Variants in ZNF92 observed in about 807,000 individuals in gnomAD.
The protein encoded by ZNF92 is zinc finger protein 92, also known as epididymis luminal protein 203.
In ZNF92, 11 loss-of-function variants were observed where a neutral mutation model predicts 12.4. The observed-to-expected ratio is 0.89, with a 90% CI of 0.56 to 1.47. The LOEUF (loss-of-function observed/expected upper bound fraction) is 1.47, where lower values mean the gene tolerates loss of function less well. ZNF92 is among the 40% of genes most tolerant of loss of function. ZNF92 has a pLI of 0.00. For missense variants in ZNF92, 622 were observed against 681.0 expected (o/e 0.91, Z 0.96); for synonymous variants, 206 against 228.6 (o/e 0.90, Z 0.89).
In ZNF92 at chr7:65,398,866, A is replaced by G; in HGVS notation, c.752A>G (p.His251Arg). 1.2e-6 allele frequency: 2 copies of G among 1,613,046 alleles called. No homozygotes were observed. Among genetic ancestry groups the G allele is most frequent in the South Asian group, 1.1e-5 (1 of 91,006 alleles). Residue 251 changes from histidine (H) to arginine (R), a missense_variant, in exon 4 of 4, where the codon CAT becomes CGT. His to Arg is a conservative substitution (Grantham distance 29, BLOSUM62 0). Coordinates refer to ENST00000328747, the MANE Select transcript of ZNF92 (RefSeq NM_152626.4). ...AATCTTACTAAACATAAAATAATTC[A>G]TACTGGAGAGAAACCCTACAAATGT... ...SSNLTKHKII[H>R]TGEKPYKCEE... is the part of the protein sequence containing the mutation.
rs113522695 is a variant in ZNF92, at chr7:65,400,003, T to C, written c.*128T>C. 126 of 836,388 alleles carry C rather than the reference T, an allele frequency of 1.5e-4. No homozygotes were observed. The African/African-American group carries it at 1.9e-3, about 12-fold the overall frequency. 51.8% of individuals were successfully genotyped at this position (836,388 alleles called of 1,614,324 possible). On this transcript the variant is annotated 3_prime_UTR_variant, in exon 4 of 4. Coordinates refer to ENST00000328747, the MANE Select transcript of ZNF92 (RefSeq NM_152626.4). Reference sequence around the variant, plus strand: ...TCACGCTTGATTGTAGGTAAGATAATTTATATTGGAGAAAAATCCTCCAAG... The same window carrying C: ...TCACGCTTGATTGTAGGTAAGATAACTTATATTGGAGAAAAATCCTCCAAG...
chr7:65,399,660 A>G lies in ZNF92; in HGVS notation c.1546A>G (p.Asn516Asp). 6.2e-7 allele frequency: 1 copy of G among 1,613,322 alleles called. No homozygotes were observed. The highest frequency in any genetic ancestry group is 1.1e-5 in the South Asian group (1 of 91,046). ...ATCCTACAAATGTGAAAAATGTGGC[A>G]ATGCTTTTAACCAGTCCTCAAACCT... ...GKSYKCEKCG[N>D]AFNQSSNLTA... The change falls in exon 4 of 4, where the codon AAT becomes GAT. Residue 516 changes from asparagine (N) to aspartate (D), a missense_variant. Physicochemically the swap from Asn to Asp is conservative, Grantham distance 23. Coordinates refer to ENST00000328747, the MANE Select transcript of ZNF92 (RefSeq NM_152626.4).
intron 3 of ZNF92, among the ~76,000 whole-genome samples, chr7:65,396,301 T>C (rs1793845544): frequency 6.6e-6 from 1 of 152,124 alleles, no homozygotes; most frequent in African/African-American, 2.4e-5. Flanking sequence ...TTTTTCTCAT[T>C]TCCTGTTTTA....
chr7:65,389,147 C>T (rs1161803125), intron 3 of ZNF92, among the ~76,000 whole-genome samples: 3 of 151,936 alleles, frequency 2.0e-5, no homozygotes, highest in South Asian at 2.1e-4. Context: ...TTAGTAGAGA[C>T]GGGGTGTCTC....
intron 1 of ZNF92, among the ~76,000 whole-genome samples, chr7:65,382,118 A>G (rs975987115): frequency 6.6e-6 from 1 of 152,082 alleles, no homozygotes; most frequent in Admixed American, 6.6e-5. Context: ...GCTTACACGG[A>G]TGGCCTCCCC....
chr7:65,399,469 C>T lies in ZNF92; in HGVS notation c.1355C>T (p.Pro452Leu), dbSNP rs755786567. 2.5e-6 allele frequency: 4 copies of T among 1,613,394 alleles called. No homozygotes were observed. Among genetic ancestry groups the T allele is most frequent in the Admixed American group, 1.7e-5 (1 of 59,940 alleles). The change falls in exon 4 of 4, where the codon CCC (proline) becomes CTC (leucine). Residue 452 changes from proline (P) to leucine (L), a missense_variant. Transcript: ENST00000328747. ...AAGAGAAATCATATGGAAGATAAAC[C>T]CTACAAATGTGAAGAATGTGGCAAA... Reference protein sequence around the residue: ...KHKRNHMEDKPYKCEECGKAF... With the variant: ...KHKRNHMEDKLYKCEECGKAF...
intron 1 of ZNF92, among the ~76,000 whole-genome samples, chr7:65,382,994 C>T (rs1371139302): frequency 2.6e-5 from 4 of 152,110 alleles, no homozygotes; most frequent in African/African-American, 9.7e-5. Context: ...TAATGCTACG[C>T]TGAACACTAT....
In ZNF92 at chr7:65,398,965, C is replaced by A; in HGVS notation, c.851C>A (p.Pro284His). The change falls in exon 4 of 4, where the codon CCC becomes CAC. Residue 284 changes from proline (P) to histidine (H), a missense_variant. Pro to His is a moderately conservative substitution (Grantham distance 77, BLOSUM62 -2). Coordinates refer to ENST00000328747, the MANE Select transcript of ZNF92 (RefSeq NM_152626.4). ...KHKRIHTEEK[P>H]YKCEECGKAF... ...AAAAGAATTCATACAGAAGAGAAAC[C>A]CTACAAATGTGAAGAATGTGGCAAG... is the stretch of plus-strand genomic sequence containing the variant. 3 of 1,613,250 alleles carry A rather than the reference C, an allele frequency of 1.9e-6. No individual in the cohort carries two copies. The highest frequency in any genetic ancestry group is 2.5e-6 in the Non-Finnish European group (3 of 1,179,724).
chr7:65,384,628 C>T (rs201395066), intron 1 of ZNF92, among the ~76,000 whole-genome samples: 1 of 151,400 alleles, frequency 6.6e-6, no homozygotes, highest in Non-Finnish European at 1.5e-5. Context: ...AGTTGCTCCA[C>T]AAGCCACAAA....
At chr7:65,382,552 G>T (rs1281252565) in intron 1 of ZNF92, among the ~76,000 whole-genome samples, 1 of 151,946 alleles carries the variant, frequency 6.6e-6, no homozygotes, top group East Asian at 1.9e-4. Context: ...CATCTAGAGA[G>T]GCTAGACCAA....
chr7:65,395,004 A>T (rs897531289), intron 3 of ZNF92, among the ~76,000 whole-genome samples: 1 of 152,110 alleles, frequency 6.6e-6, no homozygotes, highest in Non-Finnish European at 1.5e-5. Flanking sequence ...TTTTATTTTC[A>T]CATTTCTTTT....
At chr7:65,376,269 T>A (rs901299708) in intron 1 of ZNF92, among the ~76,000 whole-genome samples, 1 of 151,326 alleles carries the variant, frequency 6.6e-6, no homozygotes, top group Non-Finnish European at 1.5e-5. Context: ...CTTGAAAATA[T>A]TTTTTTTTAC....
chr7:65,375,684 C>T (rs1273615586), intron 1 of ZNF92, among the ~76,000 whole-genome samples: 3 of 151,688 alleles, frequency 2.0e-5, no homozygotes, highest in Non-Finnish European at 4.4e-5. Context: ...CCGGTTTCTA[C>T]TAAAATACAA....
chr7:65,398,463 C>T lies in ZNF92; in HGVS notation c.349C>T (p.His117Tyr), dbSNP rs1187890622. ...TGAGAATTTACAGCTAAGAAAAGACCATAAAAGTGTGGATGCATGTAAGGT... is the reference window on the plus strand; with the variant it reads ...TGAGAATTTACAGCTAAGAAAAGACTATAAAAGTGTGGATGCATGTAAGGT... Reference protein sequence around the residue: ...GHENLQLRKDHKSVDACKVYK... With the variant: ...GHENLQLRKDYKSVDACKVYK... The change falls in exon 4 of 4, where the codon CAT (histidine) becomes TAT (tyrosine). Residue 117 changes from histidine to tyrosine, a missense_variant. Physicochemically the swap from His to Tyr is moderately conservative, Grantham distance 83 (BLOSUM62 2). Coordinates refer to ENST00000328747, the MANE Select transcript of ZNF92 (RefSeq NM_152626.4). 1.9e-6 allele frequency: 3 copies of T among 1,612,890 alleles called. No homozygotes were observed. The highest frequency in any genetic ancestry group is 1.7e-6 in the Non-Finnish European group (2 of 1,179,588).
In ZNF92 at chr7:65,387,191, C is replaced by T. The variant is rs143177173; in HGVS notation, c.4-711C>T. On this transcript the variant is annotated intron_variant, in intron 1 of 3. Coordinates refer to ENST00000328747, the MANE Select transcript of ZNF92 (RefSeq NM_152626.4). Reference sequence around the variant, plus strand: ...TCCTGACCTCAGGTGATCCGCCCACCGCAGCCTCCCAAACTGCTGGGATTA... The same window carrying T: ...TCCTGACCTCAGGTGATCCGCCCACTGCAGCCTCCCAAACTGCTGGGATTA... 5.9e-4 allele frequency among the ~76,000 whole-genome samples: 89 copies of T among 151,876 alleles called. 3 individuals carry two copies. The highest frequency in any genetic ancestry group is 1.8e-3 in the African/African-American group (76 of 41,408).
chr7:65,395,395 A>T (rs571095474), intron 3 of ZNF92, among the ~76,000 whole-genome samples: 1 of 152,252 alleles, frequency 6.6e-6, no homozygotes, highest in East Asian at 1.9e-4. Context: ...GTCCTAACAG[A>T]ATACACCAGC....
At position 65,393,838 on chromosome 7, in the gene ZNF92, A is replaced by G. The variant is rs540906111; in HGVS notation, c.227-4503A>G. 4.6e-5 allele frequency among the ~76,000 whole-genome samples: 7 copies of G among 152,042 alleles called. No individual in the cohort carries two copies. The East Asian group carries it at 1.4e-3, about 29-fold the overall frequency. On this transcript the variant is annotated intron_variant, in intron 3 of 3. Transcript: ENST00000328747. ...ATTATTTAAAATTCAATATTATTGAACTTTATATGATACTTTATATGATAA... is the reference window on the plus strand; with the variant it reads ...ATTATTTAAAATTCAATATTATTGAGCTTTATATGATACTTTATATGATAA...
intron 2 of ZNF92, 159 bp downstream of exon 2, chr7:65,388,187 G>A: frequency 1.4e-6 from 1 of 702,920 alleles, no homozygotes; most frequent in South Asian, 2.0e-5. Context: ...ACTTCTTCAA[G>A]ATGTTTCATT....
At position 65,399,553 on chromosome 7, in the gene ZNF92, C is replaced by T. The variant is rs748265653; in HGVS notation, c.1439C>T (p.Pro480Leu). The T allele has an allele frequency of 1.2e-6, 2 of 1,613,496 alleles. No homozygotes were observed. Among genetic ancestry groups the T allele is most frequent in the Admixed American group, 1.7e-5 (1 of 59,956 alleles). The change falls in exon 4 of 4, where the codon CCC becomes CTC. Residue 480 changes from proline (P) to leucine (L), a missense_variant. Physicochemically the swap from Pro to Leu is moderately conservative, Grantham distance 98. Coordinates refer to ENST00000328747, the MANE Select transcript of ZNF92 (RefSeq NM_152626.4). Reference sequence around the variant, plus strand: ...AAAATAATTCATACTAGAGAAAAACCCTACAAATGTGAAGAATGTGGCAAA... The same window carrying T: ...AAAATAATTCATACTAGAGAAAAACTCTACAAATGTGAAGAATGTGGCAAA... The part of the protein sequence containing the change: ...KHKIIHTREK[P>L]YKCEECGKAF...
Sources: gnomAD v4.1 joint callset for allele counts (sites outside exome capture counted in the v4.1 genomes callset) on GRCh38, gnomAD v4.1.1 for gene constraint, MANE v1.5 for transcripts, NCBI Gene and HGNC (gene_info 2026-07-23, HGNC 2026-07-21) for gene names.